Variants in KLHL4 observed in about 807,000 individuals in gnomAD.
The protein encoded by KLHL4 is kelch like family member 4.
A neutral mutation model predicts 45.8 loss-of-function variants in KLHL4; 17 were observed. That is an observed-to-expected ratio of 0.37 (90% CI 0.25 to 0.56). KLHL4 has a LOEUF of 0.56. Among genes scored for constraint, KLHL4 ranks in the 20% least tolerant of loss-of-function variants. KLHL4 has a pLI of 0.79. For missense variants in KLHL4, 544 were observed against 544.9 expected, an observed-to-expected ratio of 1.00 and a Z score of 0.02; for synonymous variants, 224 against 189.9, an observed-to-expected ratio of 1.18 and a Z score of -1.47.
chrX:87,641,204 C>T (rs1923447999), intron 9 of KLHL4, among the ~76,000 whole-genome samples: 2 of 111,963 alleles, frequency 1.8e-5, no homozygotes, highest in Non-Finnish European at 3.8e-5. Flanking sequence ...ACCCAGGAGA[C>T]ACCCCAAGTT....
chrX:87,631,088 G>A (rs947050252), intron 6 of KLHL4, among the ~76,000 whole-genome samples: 1 of 111,730 alleles, frequency 9.0e-6, no homozygotes, highest in African/African-American at 3.3e-5. Flanking sequence ...TTAGGACCAG[G>A]TGTGCTATTT....
intron 1 of KLHL4, among the ~76,000 whole-genome samples, chrX:87,609,670 C>G (rs1922310250): frequency 9.0e-6 from 1 of 111,101 alleles, no homozygotes; most frequent in African/African-American, 3.3e-5. Flanking sequence ...AGCCCTTTGT[C>G]AGATGAGTAG....
intron 6 of KLHL4, among the ~76,000 whole-genome samples, chrX:87,628,693 A>G (rs975947249): frequency 9.0e-6 from 1 of 111,323 alleles, no homozygotes; most frequent in Non-Finnish European, 1.9e-5. Context: ...AACCACCTGT[A>G]CCCCCAACAC....
At chrX:87,631,562 C>T (rs184977299) in intron 6 of KLHL4, among the ~76,000 whole-genome samples, 3 of 111,671 alleles carry the variant, frequency 2.7e-5, no homozygotes, top group Admixed American at 9.5e-5. Context: ...CACTCTGTCA[C>T]CCAGGCTGGT....
In KLHL4 at chrX:87,667,591, TA is replaced by T. The variant is rs879238810; in HGVS notation, c.*1070del. ...AAAATGTTAGGATATGTGTGCTATA[TA>T]AAAAAAAAAAAAGACTTGTTAAGTT... On this transcript the variant is annotated 3_prime_UTR_variant, in exon 11 of 11. Coordinates refer to ENST00000373119, the MANE Select transcript of KLHL4 (RefSeq NM_019117.5). 50,486 of 395,264 alleles carry T rather than the reference TA, an allele frequency of 0.13. 1,483 individuals are homozygous for T. Among genetic ancestry groups the T allele is most frequent in the African/African-American group, 0.37 (12,320 of 33,416 alleles). 32.6% of individuals were successfully genotyped at this position (395,264 alleles called of 1,213,427 possible).
At chrX:87,648,760 C>T (rs748114607) in intron 9 of KLHL4, among the ~76,000 whole-genome samples, 2 of 111,607 alleles carry the variant, frequency 1.8e-5, no homozygotes, top group South Asian at 3.7e-4. Flanking sequence ...ACTTTATTCT[C>T]AATGACTGGC....
rs5922464 is a variant in KLHL4, at chrX:87,614,345, C to G, written c.591-89C>G. ...AGATTTTATGGAGAAAACAGACTCA[C>G]TAGTGTTACAAACTTGCTGAATCCA... On this transcript the variant is annotated intron_variant, in intron 2 of 10. Transcript: ENST00000373119. 2,398 of 880,558 alleles carry G rather than the reference C, an allele frequency of 2.7e-3. 36 individuals carry two copies. The South Asian group carries it at 0.044, about 16-fold the overall frequency. The allele number at this position is 880,558 out of a possible 1,213,427, so 72.6% of individuals were successfully genotyped here.
intron 9 of KLHL4, among the ~76,000 whole-genome samples, chrX:87,662,773 C>CA (rs1924232146): frequency 1.8e-5 from 2 of 109,278 alleles, no homozygotes; most frequent in Admixed American, 9.8e-5. Flanking sequence ...ACTAAAAATA[C>CA]AAAAAAATTA....
intron 1 of KLHL4, among the ~76,000 whole-genome samples, chrX:87,578,602 T>G (rs2147793589): frequency 8.9e-6 from 1 of 112,447 alleles, no homozygotes; most frequent in South Asian, 3.7e-4. Context: ...TTGAAATGAA[T>G]AAGAAAAGCA....
intron 1 of KLHL4, among the ~76,000 whole-genome samples, chrX:87,587,062 T>C (rs1261137374): frequency 6.0e-5 from 6 of 100,688 alleles, no homozygotes; most frequent in Admixed American, 1.2e-4. Flanking sequence ...CCTACCAAGA[T>C]TGAACCAAAA....
chrX:87,539,072 C>T (rs1408623438), intron 1 of KLHL4, among the ~76,000 whole-genome samples: 1 of 111,014 alleles, frequency 9.0e-6, no homozygotes, highest in Non-Finnish European at 1.9e-5. Context: ...GTAATGTTCA[C>T]GAAATTAGCA....
At chrX:87,559,624 A>G (rs1177836144) in intron 1 of KLHL4, among the ~76,000 whole-genome samples, 1 of 111,849 alleles carries the variant, frequency 8.9e-6, no homozygotes, top group African/African-American at 3.2e-5. Context: ...AGAACCAAAC[A>G]CACTTAAAAG....
rs1922900497 is a variant in KLHL4, at chrX:87,625,645, T to C, written c.1173T>C (p.Thr391=). Reference sequence around the variant, plus strand: ...ATCTTGAAACCAGTTCCATGTTTACTGGTGATCTTGAGTGTCAGAAGCTCC... The same window carrying C: ...ATCTTGAAACCAGTTCCATGTTTACCGGTGATCTTGAGTGTCAGAAGCTCC... The part of the protein sequence containing the change: ...LADLETSSMF[T]GDLECQKLLM... The change falls in exon 6 of 11, where the codon ACT becomes ACC. Residue 391 remains threonine (T), a synonymous_variant. Coordinates refer to ENST00000373119, the MANE Select transcript of KLHL4 (RefSeq NM_019117.5). 8.3e-7 allele frequency: 1 copy of C among 1,206,791 alleles called. No individual in the cohort carries two copies. The highest frequency in any genetic ancestry group is 1.8e-5 in the African/African-American group (1 of 57,093).
At chrX:87,600,188 T>C (rs1175275715) in intron 1 of KLHL4, among the ~76,000 whole-genome samples, 1 of 110,583 alleles carries the variant, frequency 9.0e-6, no homozygotes, top group African/African-American at 3.3e-5. Context: ...ATCCGGTCAT[T>C]TAAAAGTGTG....
intron 4 of KLHL4, among the ~76,000 whole-genome samples, chrX:87,619,242 C>A (rs1922667114): frequency 9.0e-6 from 1 of 111,578 alleles, no homozygotes; most frequent in Admixed American, 9.5e-5. Flanking sequence ...ATAAAAGTAG[C>A]ATTTTTTAGA....
chrX:87,663,730 A>G (rs1314303832), intron 9 of KLHL4, among the ~76,000 whole-genome samples: 1 of 112,340 alleles, frequency 8.9e-6, no homozygotes, highest in African/African-American at 3.2e-5. Flanking sequence ...ATTTAAAGTG[A>G]TATGCTACAT....
At chrX:87,615,731 T>C (rs1922536874) in intron 3 of KLHL4, among the ~76,000 whole-genome samples, 1 of 111,078 alleles carries the variant, frequency 9.0e-6, no homozygotes, top group Admixed American at 9.6e-5. Context: ...TCACAAAAGA[T>C]CGCTTATTTT....
At chrX:87,630,679 T>C (rs1923068301) in intron 6 of KLHL4, among the ~76,000 whole-genome samples, 1 of 112,372 alleles carries the variant, frequency 8.9e-6, no homozygotes, top group Admixed American at 9.4e-5. Flanking sequence ...ATTATGGCAG[T>C]AGTGATAGTT....
intron 3 of KLHL4, among the ~76,000 whole-genome samples, chrX:87,615,719 T>A (rs1922536558): frequency 9.0e-6 from 1 of 111,287 alleles, no homozygotes; most frequent in Non-Finnish European, 1.9e-5. Context: ...AAAAGAAGCC[T>A]GTCACAAAAG....
Sources: allele counts gnomAD v4.1 joint callset (sites outside exome capture counted in the v4.1 genomes callset), GRCh38; gene constraint gnomAD v4.1.1; transcripts MANE v1.5; gene names NCBI Gene and HGNC (gene_info 2026-07-23, HGNC 2026-07-21).